The following GLIS3 variants were observed in gnomAD, a reference collection of about 807,000 sequenced individuals.
GLIS3 encodes the protein GLIS family zinc finger 3, also known as zinc finger protein GLIS3.
A neutral mutation model predicts 78.6 loss-of-function variants in GLIS3; 53 were observed. That is an observed-to-expected ratio of 0.67 (90% CI 0.54 to 0.85). The LOEUF is 0.85. Among genes scored for constraint, GLIS3 ranks in the 40% least tolerant of loss-of-function variants. GLIS3 has a pLI of 0.00. For missense variants in GLIS3, 1,703 were observed against 1,231.1 expected (o/e 1.38, Z -5.74); for synonymous variants, 684 against 509.9 (o/e 1.34, Z -4.60).
At position 4,118,964 on chromosome 9, in the gene GLIS3, T is replaced by G. The variant is rs1254971786; in HGVS notation, c.597-83A>C. On this transcript the variant is annotated intron_variant, in intron 3 of 10. Coordinates refer to ENST00000381971, the MANE Select transcript of GLIS3 (RefSeq NM_001042413.2). The surrounding 1 kb of genome is among the most constrained non-coding windows in gnomAD (Gnocchi z 4.7). ...GATTGCTTAAGAGCTAAAAGAACAC[T>G]GCATTGACAATCCCTTAAGTATTTC... 1 of 1,370,984 alleles carries G rather than the reference T, an allele frequency of 7.3e-7. No individual in the cohort carries two copies. Among genetic ancestry groups the G allele is most frequent in the Non-Finnish European group, 1.0e-6 (1 of 994,544 alleles). 84.9% of individuals were successfully genotyped at this position (1,370,984 alleles called of 1,614,324 possible). A position where few individuals can be genotyped will look rare whatever the true frequency, so the allele number is the denominator to read the frequency against.
At chr9:4,327,607 C>T (rs1159214752) in intron 2 of GLIS3, among the ~76,000 whole-genome samples, 1 of 152,174 alleles carries the variant, frequency 6.6e-6, no homozygotes, top group African/African-American at 2.4e-5. Flanking sequence ...GAGCTCTCTG[C>T]TTTGTGAAGC....
At chr9:4,320,491 C>G (rs1339471968) in intron 2 of GLIS3, among the ~76,000 whole-genome samples, 3 of 152,192 alleles carry the variant, frequency 2.0e-5, no homozygotes, top group Admixed American at 2.0e-4. Context: ...TTCTCTCTGT[C>G]AATACATCTA....
Position 4,118,894 on chromosome 9 carries a change from C to T in GLIS3, c.597-13G>A, listed in dbSNP as rs1174109480. On this transcript the variant is annotated splice_polypyrimidine_tract_variant and intron_variant, in intron 3 of 10. Coordinates refer to ENST00000381971, the MANE Select transcript of GLIS3 (RefSeq NM_001042413.2). The surrounding 1 kb of genome is among the most constrained non-coding windows in gnomAD (Gnocchi z 4.7). ...CGAAATAAGGGACCTGGAACAGCAG[C>T]CAGAAAGGAAGAAAAAAAAAAGATA... 6.9e-6 allele frequency: 11 copies of T among 1,599,144 alleles called. No homozygotes were observed. The highest frequency in any genetic ancestry group is 1.3e-5 in the African/African-American group (1 of 74,760).
the GLIS3 span, among the ~76,000 whole-genome samples, chr9:4,391,550 G>GGGGTGT: frequency 2.1e-5 from 3 of 146,086 alleles, no homozygotes; most frequent in African/African-American, 7.8e-5. Flanking sequence ...TTCTAAGAGG[G>GGGGTGT]GTGTGTGTGT....
intron 2 of GLIS3, among the ~76,000 whole-genome samples, chr9:4,217,103 C>A (rs1323094401): frequency 6.6e-6 from 1 of 152,128 alleles, no homozygotes; most frequent in Admixed American, 6.5e-5. Context: ...TTCTCCCATG[C>A]CCAAGGAACA....
At chr9:4,102,833 C>G (rs1026576557) in intron 4 of GLIS3, among the ~76,000 whole-genome samples, 13 of 152,012 alleles carry the variant, frequency 8.6e-5, no homozygotes, top group African/African-American at 3.1e-4. Context: ...CAAATACACA[C>G]ACATAAGCCT....
intron 4 of GLIS3, among the ~76,000 whole-genome samples, chr9:4,111,127 A>C (rs2130844778): frequency 6.6e-6 from 1 of 152,348 alleles, no homozygotes; most frequent in African/African-American, 2.4e-5. Flanking sequence ...TTCGACATAC[A>C]TTCCCTTAAT....
At position 4,298,567 on chromosome 9, in the gene GLIS3, G is replaced by C; in HGVS notation, c.-99+854C>G. ...CTCACGCTTTCCAGAGAGCGACCCG[G>C]GCCGACTTCAAAATACACACAGGGT... On this transcript the variant is annotated intron_variant, in intron 1 of 10. Transcript: ENST00000381971. The C allele has an allele frequency of 3.5e-5, 11 of 314,560 alleles. 2 individuals are homozygous for C. The highest frequency in any genetic ancestry group is 2.7e-4 in the South Asian group (11 of 40,644). 19.5% of individuals were successfully genotyped at this position (314,560 alleles called of 1,614,324 possible).
At chr9:4,285,650 G>T in intron 2 of GLIS3, 1 of 193,722 alleles carries the variant, frequency 5.2e-6, no homozygotes, top group Admixed American at 5.5e-5. Flanking sequence ...AGTTCCAGTC[G>T]GTCTTCTTGT....
At chr9:3,843,155 T>G (rs1381251710) in intron 9 of GLIS3, among the ~76,000 whole-genome samples, 2 of 152,218 alleles carry the variant, frequency 1.3e-5, no homozygotes, top group Non-Finnish European at 2.9e-5. Flanking sequence ...TAGACTTCTG[T>G]TGTCCAGCTG....
chr9:4,348,086 GCA>G (rs1228840915), intron 1 of GLIS3: 1 of 152,118 alleles, frequency 6.6e-6, no homozygotes, highest in Non-Finnish European at 1.5e-5. Flanking sequence ...TTTCTAAAAT[GCA>G]CAGAGATCTT....
At chr9:4,044,182 T>G (rs923423210) in intron 4 of GLIS3, among the ~76,000 whole-genome samples, 1 of 152,166 alleles carries the variant, frequency 6.6e-6, no homozygotes, top group Admixed American at 6.6e-5. Flanking sequence ...ATGAAGTTCT[T>G]ACAACAAAAG....
chr9:4,119,954 G>C (rs1832053398), intron 3 of GLIS3, among the ~76,000 whole-genome samples: 1 of 152,220 alleles, frequency 6.6e-6, no homozygotes, highest in African/African-American at 2.4e-5. Flanking sequence ...TGCCACAGAG[G>C]CAAGACATAA....
At chr9:4,335,558 G>C (rs1044658774) in intron 2 of GLIS3, among the ~76,000 whole-genome samples, 1 of 152,138 alleles carries the variant, frequency 6.6e-6, no homozygotes, top group Admixed American at 6.5e-5. Flanking sequence ...AGTGGTTCTG[G>C]TGTCTATCTC....
chr9:4,356,600 C>G, the GLIS3 span, among the ~76,000 whole-genome samples: 1 of 152,316 alleles, frequency 6.6e-6, no homozygotes, highest in East Asian at 1.9e-4. Context: ...TCTATTGCAG[C>G]TATTGCTTTT....
At chr9:4,444,770 T>C in the GLIS3 span, among the ~76,000 whole-genome samples, 1 of 152,202 alleles carries the variant, frequency 6.6e-6, no homozygotes, top group Non-Finnish European at 1.5e-5. Context: ...TACCACAGGC[T>C]TTGCTGCATC....
intron 4 of GLIS3, among the ~76,000 whole-genome samples, chr9:3,964,644 C>T (rs758116260): frequency 2.0e-5 from 3 of 152,200 alleles, no homozygotes; most frequent in Non-Finnish European, 2.9e-5. Context: ...GTGTCTAGAA[C>T]ATACCTTGCC....
At chr9:4,043,217 T>C (rs911765576) in intron 4 of GLIS3, among the ~76,000 whole-genome samples, 1 of 152,192 alleles carries the variant, frequency 6.6e-6, no homozygotes, top group Middle Eastern at 3.2e-3. Flanking sequence ...TCACTTTCAG[T>C]GAGACTTTAC....
At chr9:4,294,921 T>A (rs1208532132) in intron 1 of GLIS3, among the ~76,000 whole-genome samples, 1 of 152,240 alleles carries the variant, frequency 6.6e-6, no homozygotes, top group Non-Finnish European at 1.5e-5. Flanking sequence ...CCCACATCTA[T>A]AATTTACTGC....
Sources: gnomAD v4.1 joint callset for allele counts (sites outside exome capture counted in the v4.1 genomes callset) on GRCh38, gnomAD v4.1.1 for gene constraint, Gnocchi (gnomAD v3.1) non-coding constraint, MANE v1.5 for transcripts, NCBI Gene and HGNC (gene_info 2026-07-23, HGNC 2026-07-21) for gene names.